The following PCDH15 variants were observed in gnomAD, a reference collection of about 807,000 sequenced individuals.
PCDH15 encodes the protein protocadherin-15.
Under a neutral mutation model 178.5 loss-of-function variants are expected in PCDH15, and 129 were observed. The ratio of observed to expected loss-of-function variants is 0.72; its 90% CI spans 0.63 to 0.84. The LOEUF is 0.84. PCDH15 is among the 40% of genes least tolerant of loss of function. The pLI is 0.00. For missense variants in PCDH15, 2,230 were observed against 2,099.9 expected (o/e 1.06, Z -1.21); for synonymous variants, 800 against 732.0 (o/e 1.09, Z -1.50).
chr10:54,800,291 T>C (rs1404681538), intron 1 of PCDH15, among the ~76,000 whole-genome samples: 2 of 152,164 alleles, frequency 1.3e-5, no homozygotes, highest in African/African-American at 2.4e-5. Context: ...CTATCTAGCA[T>C]TAATTCTGTA....
chr10:55,492,799 T>C (rs1840446911), intron 2 of PCDH15, among the ~76,000 whole-genome samples: 1 of 151,686 alleles, frequency 6.6e-6, no homozygotes, highest in Non-Finnish European at 1.5e-5. Flanking sequence ...AAGTCAATGA[T>C]GCTTAGAGAA....
At chr10:54,394,567 G>A (rs532366589) in intron 3 of PCDH15, among the ~76,000 whole-genome samples, 25 of 152,170 alleles carry the variant, frequency 1.6e-4, no homozygotes, top group South Asian at 4.1e-4. Context: ...GCAAGTGGAG[G>A]CAGGGCAAGA....
chr10:55,344,723 T>A (rs1844697746), intron 2 of PCDH15, among the ~76,000 whole-genome samples: 1 of 152,050 alleles, frequency 6.6e-6, no homozygotes, highest in African/African-American at 2.4e-5. Flanking sequence ...GGCAGTTGAT[T>A]ATAGACTTCA....
At chr10:55,419,453 C>T (rs1443708813) in intron 2 of PCDH15, among the ~76,000 whole-genome samples, 1 of 151,736 alleles carries the variant, frequency 6.6e-6, no homozygotes, top group African/African-American at 2.4e-5. Context: ...GAAAGAGAAA[C>T]ATCTGAGGAG....
At chr10:54,545,889 T>G (rs1435636758) in intron 2 of PCDH15, among the ~76,000 whole-genome samples, 1 of 152,222 alleles carries the variant, frequency 6.6e-6, no homozygotes, top group Non-Finnish European at 1.5e-5. Context: ...CCAGACTCAT[T>G]TGCGGATAGG....
chr10:54,404,380 A>G (rs1346191714), intron 3 of PCDH15, among the ~76,000 whole-genome samples: 1 of 152,022 alleles, frequency 6.6e-6, no homozygotes, highest in Non-Finnish European at 1.5e-5. Context: ...GCCTCCAACT[A>G]TCTGATCTTT....
At chr10:55,407,375 A>G (rs930324429) in intron 2 of PCDH15, among the ~76,000 whole-genome samples, 1 of 152,194 alleles carries the variant, frequency 6.6e-6, no homozygotes, top group African/African-American at 2.4e-5. Context: ...TCAAATGGGT[A>G]AATACTGCCT....
At chr10:54,712,311 G>A (rs549868258) in intron 1 of PCDH15, among the ~76,000 whole-genome samples, 107 of 151,830 alleles carry the variant, frequency 7.0e-4, no homozygotes, top group African/African-American at 2.1e-3. Context: ...AAAGCATTTC[G>A]AAATTCATTG....
At chr10:54,187,313 A>G (rs939210691) in intron 11 of PCDH15, among the ~76,000 whole-genome samples, 4 of 151,900 alleles carry the variant, frequency 2.6e-5, no homozygotes, top group African/African-American at 9.7e-5. Flanking sequence ...ATTCACTCAT[A>G]TCTTCACATT....
At position 54,344,697 on chromosome 10, in the gene PCDH15, T is replaced by A. The variant is rs549667522; in HGVS notation, c.594+1668A>T. On this transcript the variant is annotated intron_variant, in intron 6 of 37. Coordinates refer to ENST00000644397, the MANE Select transcript of PCDH15 (RefSeq NM_001384140.1). Reference sequence around the variant, plus strand: ...CCTAAAGAGCAAACAAAATAAATGGTTTCAAAATCGAATGTTCAGTCAGCT... The same window carrying A: ...CCTAAAGAGCAAACAAAATAAATGGATTCAAAATCGAATGTTCAGTCAGCT... 1.2e-4 allele frequency among the ~76,000 whole-genome samples: 18 copies of A among 151,924 alleles called. No individual in the cohort carries two copies. In the South Asian group the frequency reaches 2.7e-3, roughly 23 times the overall value.
chr10:54,243,376 G>A (rs1230422044), intron 8 of PCDH15, among the ~76,000 whole-genome samples: 1 of 152,032 alleles, frequency 6.6e-6, no homozygotes, highest in Non-Finnish European at 1.5e-5. Context: ...GCATGGTGGC[G>A]GGCGCCTGTA....
At chr10:54,586,535 T>C (rs1405449642) in intron 2 of PCDH15, among the ~76,000 whole-genome samples, 2 of 152,210 alleles carry the variant, frequency 1.3e-5, no homozygotes, top group African/African-American at 4.8e-5. Context: ...TTTTTTATTA[T>C]AGATGAACTA....
At chr10:54,376,149 C>A (rs2134938144) in intron 4 of PCDH15, among the ~76,000 whole-genome samples, 1 of 151,688 alleles carries the variant, frequency 6.6e-6, no homozygotes, top group Non-Finnish European at 1.5e-5. Context: ...CTGGCCTTGG[C>A]CTCCCAAAGT....
chr10:55,446,029 C>G (rs1839308360), intron 2 of PCDH15, among the ~76,000 whole-genome samples: 1 of 152,128 alleles, frequency 6.6e-6, no homozygotes, highest in Non-Finnish European at 1.5e-5. Flanking sequence ...TGCTTCTGTT[C>G]AGTACCTAGA....
rs377692914 is a variant in PCDH15, at chr10:55,241,938, A to G, written c.-155-75287T>C. The stretch of plus-strand genomic sequence containing the variant: ...AGATTCAAAACTCATAAAACGTGTT[A>G]CCAGTGTTTGTCTCTGCATGAGAGT... On this transcript the variant is annotated intron_variant, in intron 1 of 5. Coordinates refer to the PCDH15 transcript ENST00000458638. 7.2e-5 allele frequency among the ~76,000 whole-genome samples: 11 copies of G among 152,336 alleles called. 1 individual carries two copies. In the East Asian group the frequency reaches 1.2e-3, roughly 16 times the overall value.
At chr10:54,436,456 T>C (rs1412360694) in intron 3 of PCDH15, among the ~76,000 whole-genome samples, 2 of 152,102 alleles carry the variant, frequency 1.3e-5, no homozygotes, top group Non-Finnish European at 2.9e-5. Flanking sequence ...TAGAGAAACC[T>C]AGAGCTTAGC....
chr10:55,234,323 C>G (rs879807664), intron 1 of PCDH15, among the ~76,000 whole-genome samples: 1 of 151,878 alleles, frequency 6.6e-6, no homozygotes, highest in Non-Finnish European at 1.5e-5. Context: ...AAGAGCAGAT[C>G]TTCATATTTA....
chr10:55,626,159 GAATAAATA>G (rs751870281), intron 2 of PCDH15, among the ~76,000 whole-genome samples: 4 of 151,146 alleles, frequency 2.6e-5, no homozygotes, highest in South Asian at 2.1e-4. Context: ...GAGAGAGAGA[GAATAAATA>G]AATAAATAAA....
Position 54,121,891 on chromosome 10 carries a change from A to G in PCDH15, c.1917+10984T>C, listed in dbSNP as rs1014779556. 1.6e-4 allele frequency among the ~76,000 whole-genome samples: 25 copies of G among 152,044 alleles called. 1 individual carries two copies. The highest frequency in any genetic ancestry group is 3.1e-4 in the Non-Finnish European group (21 of 68,004). ...GCTGAGTTCTACCAGAGGTCCAAAG[A>G]AGAGCTGATAGTAATTCTATTAAAA... On this transcript the variant is annotated intron_variant, in intron 15 of 37. Transcript: ENST00000644397.
Sources: gnomAD v4.1 joint callset for allele counts (sites outside exome capture counted in the v4.1 genomes callset) on GRCh38, gnomAD v4.1.1 for gene constraint, MANE v1.5 for transcripts, NCBI Gene and HGNC (gene_info 2026-07-23, HGNC 2026-07-21) for gene names.